The following ALDH3A2 variants were observed in gnomAD, a reference collection of about 807,000 sequenced individuals.
ALDH3A2 encodes the protein aldehyde dehydrogenase family 3 member A2.
Under a neutral mutation model 51.3 loss-of-function variants are expected in ALDH3A2, and 36 were observed. The observed-to-expected ratio is 0.70, with a 90% CI of 0.54 to 0.93. The LOEUF (loss-of-function observed/expected upper bound fraction) is 0.93, where lower values mean the gene tolerates loss of function less well. ALDH3A2 is among the 40% of genes least tolerant of loss of function. The probability of loss-of-function intolerance (pLI) is 0.00; values close to 1 mark genes in which losing one functional copy is unlikely to be tolerated. For synonymous variants in ALDH3A2, 199 were observed against 219.8 expected (o/e 0.91, Z 0.84); for missense variants, 552 against 603.1 (o/e 0.92, Z 0.89).
chr17:19,659,091 C>G (rs1263690687), intron 5 of ALDH3A2, among the ~76,000 whole-genome samples: 1 of 151,908 alleles, frequency 6.6e-6, no homozygotes, highest in Non-Finnish European at 1.5e-5. Flanking sequence ...ATTAGCCGGG[C>G]ATGGTGGCAC....
chr17:19,656,660 A>C (rs1213474351), intron 4 of ALDH3A2, 86 bp downstream of exon 4: 6 of 1,280,470 alleles, frequency 4.7e-6, no homozygotes, highest in Non-Finnish European at 6.7e-6. Flanking sequence ...CTTGAACCCC[A>C]TACCTTATGG....
Position 19,657,746 on chromosome 17 carries a change from C to G in ALDH3A2, c.682C>G (p.Arg228Gly). Reference protein sequence around the residue: ...KDCDLDIVCRRITWGKYMNCG... With the variant: ...KDCDLDIVCRGITWGKYMNCG... ...CTGTTCTGGATGTTTTCCCCTCAGA[C>G]GCATAACCTGGGGAAAATACATGAA... The change falls in exon 5 of 10, where the codon CGC becomes GGC. Residue 228 changes from arginine to glycine, a missense_variant and splice_region_variant. Transcript: ENST00000176643. 6.2e-7 allele frequency: 1 copy of G among 1,604,174 alleles called. No individual in the cohort carries two copies. The highest frequency in any genetic ancestry group is 8.5e-7 in the Non-Finnish European group (1 of 1,171,044).
chr17:19,661,470 C>G (rs921517159), intron 6 of ALDH3A2: 3 of 609,490 alleles, frequency 4.9e-6, no homozygotes, highest in Non-Finnish European at 8.4e-6. Context: ...AATGATGCCA[C>G]CAGCGTTGCT....
intron 8 of ALDH3A2, among the ~76,000 whole-genome samples, chr17:19,671,098 A>G (rs1156602119): frequency 2.0e-5 from 3 of 152,220 alleles, no homozygotes; most frequent in Non-Finnish European, 4.4e-5. Flanking sequence ...AATTAGAGAA[A>G]TGAAACTGTC....
Position 19,661,216 on chromosome 17 carries a change from A to C in ALDH3A2, c.888A>C (p.Glu296Asp). The change falls in exon 6 of 10, where the codon GAA (glutamate) becomes GAC (aspartate). Residue 296 changes from glutamate to aspartate, a missense_variant. Glu to Asp is a conservative substitution (Grantham distance 45, BLOSUM62 2). Transcript: ENST00000176643. ...RHFKRILSLL[E>D]GQKIAFGGET... The stretch of plus-strand genomic sequence containing the variant: ...TTAAGAGGATACTAAGTTTGCTTGA[A>C]GGACAAAAGATAGCTTTTGGTGGGG... 1 of 1,614,198 alleles carries C rather than the reference A, an allele frequency of 6.2e-7. No homozygotes were observed. Among genetic ancestry groups the C allele is most frequent in the Admixed American group, 1.7e-5 (1 of 60,026 alleles).
At chr17:19,672,877 C>T (rs1366559912) in intron 9 of ALDH3A2, among the ~76,000 whole-genome samples, 1 of 152,016 alleles carries the variant, frequency 6.6e-6, no homozygotes, top group Non-Finnish European at 1.5e-5. Flanking sequence ...CCTGTCTCTA[C>T]TAAAAATACA....
chr17:19,652,329 T>A (rs1343807838), intron 2 of ALDH3A2, among the ~76,000 whole-genome samples: 1 of 152,194 alleles, frequency 6.6e-6, no homozygotes, highest in Non-Finnish European at 1.5e-5. Context: ...GAAAGGCTGC[T>A]GGAACCCATT....
At position 19,652,638 on chromosome 17, in the gene ALDH3A2, A is replaced by G. The variant is rs918700042; in HGVS notation, c.471+6A>G. The G allele has an allele frequency of 2.5e-6, 4 of 1,605,702 alleles. No individual in the cohort carries two copies. The highest frequency in any genetic ancestry group is 3.4e-6 in the Non-Finnish European group (4 of 1,172,334). On this transcript the variant is annotated splice_donor_region_variant and intron_variant, in intron 3 of 9. Coordinates refer to ENST00000176643, the MANE Select transcript of ALDH3A2 (RefSeq NM_000382.3). ...TCCCTCAGTATTTAGACCAGGTAAGAATTTCTTGACTCATCTCCAACATAT... is the reference window on the plus strand; with the variant it reads ...TCCCTCAGTATTTAGACCAGGTAAGGATTTCTTGACTCATCTCCAACATAT...
chr17:19,668,822 C>T (rs777358191), intron 8 of ALDH3A2, among the ~76,000 whole-genome samples: 1 of 131,722 alleles, frequency 7.6e-6, no homozygotes, highest in Admixed American at 8.2e-5. Flanking sequence ...ACCCTGGAGG[C>T]GGAGGTTGCA....
In ALDH3A2 at chr17:19,675,744, A is replaced by G. The variant is rs1490546385; in HGVS notation, c.*172A>G. On this transcript the variant is annotated 3_prime_UTR_variant, in exon 10 of 10. Coordinates refer to ENST00000176643, the MANE Select transcript of ALDH3A2 (RefSeq NM_000382.3). ...ATCATTAATAAAAGTTGCCATTTCA[A>G]CTACGTCCCAACATTCCCTAATAGG... 6.6e-6 allele frequency: 5 copies of G among 754,810 alleles called. No homozygotes were observed. Among genetic ancestry groups the G allele is most frequent in the African/African-American group, 1.7e-5 (1 of 57,642 alleles). The allele number at this position is 754,810 out of a possible 1,614,324, so 46.8% of individuals were successfully genotyped here. A position where few individuals can be genotyped will look rare whatever the true frequency, so the allele number is the denominator to read the frequency against.
Position 19,661,218 on chromosome 17 carries a change from G to A in ALDH3A2, c.890G>A (p.Gly297Glu). 6.2e-7 allele frequency: 1 copy of A among 1,614,112 alleles called. No homozygotes were observed. Among genetic ancestry groups the A allele is most frequent in the Non-Finnish European group, 8.5e-7 (1 of 1,180,020 alleles). ...AAGAGGATACTAAGTTTGCTTGAAG[G>A]ACAAAAGATAGCTTTTGGTGGGGAG... is the stretch of plus-strand genomic sequence containing the variant. ...HFKRILSLLE[G>E]QKIAFGGETD... The change falls in exon 6 of 10, where the codon GGA becomes GAA. Residue 297 changes from glycine (G) to glutamate (E), a missense_variant. Transcript: ENST00000176643.
chr17:19,671,728 T>C lies in ALDH3A2; in HGVS notation c.1215T>C (p.Ser405=), dbSNP rs1294671840. Residue 405 remains serine, a synonymous_variant, in exon 9 of 10, where the codon AGT becomes AGC. Transcript: ENST00000176643. The part of the protein sequence containing the change: ...NSFPFGGVGS[S]GMGAYHGKHS... ...CTGTTCCCTTTATTTCAGGTTCCAG[T>C]GGGATGGGAGCTTATCACGGAAAAC... The C allele has an allele frequency of 1.2e-6, 2 of 1,613,574 alleles. No homozygotes were observed. The highest frequency in any genetic ancestry group is 2.7e-5 in the African/African-American group (2 of 74,906).
intron 6 of ALDH3A2, 117 bp from the exon 7 acceptor site, chr17:19,663,216 T>C (rs1567603353): frequency 8.3e-7 from 1 of 1,199,702 alleles, no homozygotes; most frequent in Non-Finnish European, 1.2e-6. Context: ...TTTCAATAGA[T>C]ATGACTTGGG....
chr17:19,665,061 T>C lies in ALDH3A2; in HGVS notation c.1207+14T>C, dbSNP rs1248231014. ...TTGGAGGAGTGGGTGAGTCTTATTT[T>C]CTCCTGCTTGTAGTAGATATTTCAA... On this transcript the variant is annotated intron_variant, in intron 8 of 9. Transcript: ENST00000176643. The C allele has an allele frequency of 6.2e-7, 1 of 1,601,902 alleles. No homozygotes were observed. Among genetic ancestry groups the C allele is most frequent in the Non-Finnish European group, 8.6e-7 (1 of 1,169,022 alleles).
chr17:19,649,334 G>T, intron 1 of ALDH3A2: 2 of 613,386 alleles, frequency 3.3e-6, no homozygotes, highest in South Asian at 2.4e-5. Flanking sequence ...TAGCTTCTGT[G>T]GTTCCTTTTC....
Position 19,651,791 on chromosome 17 carries a change from C to T in ALDH3A2, c.385+13C>T, listed in dbSNP as rs770887210. The T allele has an allele frequency of 1.9e-6, 3 of 1,606,750 alleles. No homozygotes were observed. The highest frequency in any genetic ancestry group is 2.6e-6 in the Non-Finnish European group (3 of 1,173,340). The stretch of plus-strand genomic sequence containing the variant: ...GCCATCGCTGCAGGTCTGGTGCCAC[C>T]TTATGTCTATATACCTTTTTAGGGA... On this transcript the variant is annotated intron_variant, in intron 2 of 9. Coordinates refer to ENST00000176643, the MANE Select transcript of ALDH3A2 (RefSeq NM_000382.3).
chr17:19,663,794 A>G (rs1255321145), intron 7 of ALDH3A2, among the ~76,000 whole-genome samples: 1 of 151,922 alleles, frequency 6.6e-6, no homozygotes, highest in Non-Finnish European at 1.5e-5. Context: ...GAAGACTTAT[A>G]TGTGCCAGCA....
In ALDH3A2 at chr17:19,676,208, T is replaced by C. The variant is rs886052695; in HGVS notation, c.*636T>C. The stretch of plus-strand genomic sequence containing the variant: ...CTTTATCATCCTGTGTTCTGTTTAG[T>C]TGCAACAATCTCTTGTGACTAATGT... On this transcript the variant is annotated 3_prime_UTR_variant, in exon 10 of 10. Coordinates refer to ENST00000176643, the MANE Select transcript of ALDH3A2 (RefSeq NM_000382.3). 1 of 153,144 alleles carries C rather than the reference T, an allele frequency of 6.5e-6. No homozygotes were observed. The highest frequency in any genetic ancestry group is 1.5e-5 in the Non-Finnish European group (1 of 68,676). The allele number at this position is 153,144 out of a possible 1,614,324, so 9.5% of individuals were successfully genotyped here.
chr17:19,661,045 T>G (rs2084958607), intron 5 of ALDH3A2, 82 bp from the exon 6 acceptor site: 6 of 1,363,732 alleles, frequency 4.4e-6, no homozygotes, highest in South Asian at 2.4e-5. Context: ...AGATTGATTT[T>G]GGGGCATGGC....
Sources: allele counts gnomAD v4.1 joint callset (sites outside exome capture counted in the v4.1 genomes callset), GRCh38; gene constraint gnomAD v4.1.1; transcripts MANE v1.5; gene names NCBI Gene and HGNC (gene_info 2026-07-23, HGNC 2026-07-21).